The following LRP1B variants were observed in gnomAD, a reference collection of about 807,000 sequenced individuals.
The protein encoded by LRP1B is low-density lipoprotein receptor-related protein 1B.
A neutral mutation model predicts 556.6 loss-of-function variants in LRP1B; 217 were observed. The observed-to-expected ratio is 0.39, with a 90% confidence interval of 0.35 to 0.44. The LOEUF (loss-of-function observed/expected upper bound fraction) is 0.44. Ranked by LOEUF, LRP1B falls within the 20% of genes least tolerant of loss-of-function variation. LRP1B has a pLI of 1.00. For missense variants in LRP1B, 5,053 were observed against 5,620.8 expected (o/e 0.90, Z 3.23); for synonymous variants, 2,047 against 1,865.8 (o/e 1.10, Z -2.50).
chr2:140,481,480 A>G (rs1688236993), intron 59 of LRP1B, among the ~76,000 whole-genome samples: 1 of 151,836 alleles, frequency 6.6e-6, no homozygotes, highest in Admixed American at 6.6e-5. Context: ...AAATAATTCT[A>G]TGTTTCTCAG....
chr2:140,246,551 A>T (rs1252917072), intron 87 of LRP1B, among the ~76,000 whole-genome samples: 1 of 146,180 alleles, frequency 6.8e-6, no homozygotes, highest in Non-Finnish European at 1.5e-5. Context: ...AAAAATGTTG[A>T]TCTATATTTT....
chr2:141,577,811 A>G (rs1686806152), intron 2 of LRP1B, among the ~76,000 whole-genome samples: 1 of 152,192 alleles, frequency 6.6e-6, no homozygotes, highest in Admixed American at 6.6e-5. Context: ...TCCTGGCAGG[A>G]CACAAGTTGT....
At chr2:142,041,558 T>G (rs1437121043) in intron 1 of LRP1B, among the ~76,000 whole-genome samples, 1 of 151,494 alleles carries the variant, frequency 6.6e-6, no homozygotes. Context: ...AAGCCTTTTT[T>G]GCTTGTTTTA....
intron 2 of LRP1B, among the ~76,000 whole-genome samples, chr2:141,564,037 A>C (rs1312761064): frequency 1.3e-5 from 2 of 152,156 alleles, no homozygotes; most frequent in East Asian, 3.8e-4. Context: ...ATTATTTTAC[A>C]AAAAGGAAAA....
At chr2:141,371,040 GT>G (rs1689213144) in intron 3 of LRP1B, among the ~76,000 whole-genome samples, 1 of 152,088 alleles carries the variant, frequency 6.6e-6, no homozygotes, top group Admixed American at 6.6e-5. Context: ...CTGGAGTGCA[GT>G]GGCGTGATCT....
chr2:140,645,247 C>A (rs1197702470), intron 41 of LRP1B, among the ~76,000 whole-genome samples: 4 of 151,984 alleles, frequency 2.6e-5, no homozygotes, highest in Admixed American at 1.3e-4. Context: ...GTGATATTAA[C>A]AATATGTAAT....
intron 63 of LRP1B, among the ~76,000 whole-genome samples, chr2:140,445,575 C>T (rs921606146): frequency 6.6e-6 from 1 of 151,122 alleles, no homozygotes; most frequent in South Asian, 2.1e-4. Context: ...TATATTATAA[C>T]AAATGACTCC....
intron 1 of LRP1B, among the ~76,000 whole-genome samples, chr2:142,087,027 G>C (rs927078060): frequency 6.6e-6 from 1 of 150,458 alleles, no homozygotes; most frequent in Non-Finnish European, 1.5e-5. Context: ...TTGATCTCTC[G>C]TTAGCTGATG....
At chr2:140,750,048 G>A (rs1688515452) in intron 35 of LRP1B, among the ~76,000 whole-genome samples, 1 of 151,212 alleles carries the variant, frequency 6.6e-6, no homozygotes. Flanking sequence ...ATGTCATTAG[G>A]TGGTACATGA....
At chr2:141,425,405 C>A (rs1680322311) in intron 3 of LRP1B, among the ~76,000 whole-genome samples, 1 of 149,796 alleles carries the variant, frequency 6.7e-6, no homozygotes, top group African/African-American at 2.5e-5. Flanking sequence ...TTTATAGCAG[C>A]ATGACTTATA....
chr2:140,832,174 G>A (rs1691741295), intron 31 of LRP1B, among the ~76,000 whole-genome samples: 1 of 152,050 alleles, frequency 6.6e-6, no homozygotes, highest in Admixed American at 6.6e-5. Context: ...TGAAAATACA[G>A]GGTATTCACA....
rs188445183 is a variant in LRP1B at position 141,215,646 on chromosome 2, T to C, written c.850+13537A>G. ...AACTTATTGGGAACTGGAGCAAAGT[T>C]CACATGTTTTATGCCTTAGCAAAGA... is the stretch of plus-strand genomic sequence containing the variant. On this transcript the variant is annotated intron_variant, in intron 6 of 90. Transcript: ENST00000389484. 2.5e-3 allele frequency among the ~76,000 whole-genome samples: 374 copies of C among 152,276 alleles called. 1 individual carries two copies. The highest frequency in any genetic ancestry group is 7.9e-3 in the African/African-American group (330 of 41,564).
chr2:140,792,008 A>C (rs890589980), intron 32 of LRP1B, among the ~76,000 whole-genome samples: 4 of 152,156 alleles, frequency 2.6e-5, no homozygotes, highest in Non-Finnish European at 4.4e-5. Context: ...CAGGAAAAGG[A>C]GAATGACTCA....
At chr2:141,922,530 G>A (rs983815005) in intron 1 of LRP1B, among the ~76,000 whole-genome samples, 10 of 152,084 alleles carry the variant, frequency 6.6e-5, no homozygotes, top group Admixed American at 2.0e-4. Context: ...AGTATTTTCT[G>A]CTACTCATTG....
intron 3 of LRP1B, among the ~76,000 whole-genome samples, chr2:141,431,142 AAAATAAAT>A (rs36102221): frequency 6.7e-6 from 1 of 148,180 alleles, no homozygotes; most frequent in Non-Finnish European, 1.5e-5. Flanking sequence ...TCAAAAAATC[AAAATAAAT>A]AAATAAATAA....
At chr2:140,654,240 T>C (rs995181224) in intron 41 of LRP1B, among the ~76,000 whole-genome samples, 2 of 152,100 alleles carry the variant, frequency 1.3e-5, no homozygotes, top group Non-Finnish European at 2.9e-5. Context: ...TACACTTTTC[T>C]TCAATGAATC....
chr2:141,832,982 A>G (rs1697158938), intron 1 of LRP1B, among the ~76,000 whole-genome samples: 1 of 151,608 alleles, frequency 6.6e-6, no homozygotes, highest in African/African-American at 2.4e-5. Flanking sequence ...TACTAACACT[A>G]TTTTTCATTT....
At chr2:140,254,620 C>T (rs1445314445) in intron 86 of LRP1B, among the ~76,000 whole-genome samples, 1 of 152,078 alleles carries the variant, frequency 6.6e-6, no homozygotes, top group Admixed American at 6.6e-5. Flanking sequence ...GTGGTATGAT[C>T]TCGGCTCACT....
At chr2:140,598,497 T>C in intron 43 of LRP1B, 134 bp downstream of exon 43, 1 of 662,142 alleles carries the variant, frequency 1.5e-6, no homozygotes, top group South Asian at 2.0e-5. Flanking sequence ...ATAGATTAGT[T>C]ATTCAATTGG....
Sources: allele counts gnomAD v4.1 joint callset (sites outside exome capture counted in the v4.1 genomes callset), GRCh38; gene constraint gnomAD v4.1.1; transcripts MANE v1.5; gene names NCBI Gene and HGNC (gene_info 2026-07-23, HGNC 2026-07-21).